The following CCSER1 variants were observed in gnomAD, a reference collection of about 807,000 sequenced individuals.
The protein encoded by CCSER1 is coiled-coil serine rich protein 1.
CCSER1 carries 41 observed loss-of-function variants against 82.0 expected under a neutral mutation model. The ratio of observed to expected loss-of-function variants is 0.50; its 90% confidence interval spans 0.39 to 0.65. The LOEUF (loss-of-function observed/expected upper bound fraction) is 0.65, where lower values mean the gene tolerates loss of function less well. Ranked by LOEUF, CCSER1 falls within the 30% of genes least tolerant of loss-of-function variation. CCSER1 has a pLI of 0.00. For synonymous variants in CCSER1, 414 were observed against 383.9 expected (o/e 1.08, Z -0.92); for missense variants, 1,119 against 1,064.2 (o/e 1.05, Z -0.72).
At chr4:90,414,221 A>G (rs1446434223) in intron 4 of CCSER1, among the ~76,000 whole-genome samples, 2 of 151,180 alleles carry the variant, frequency 1.3e-5, no homozygotes, top group Non-Finnish European at 3.0e-5. Flanking sequence ...ATAATTTACC[A>G]TGATCTTGGC....
At chr4:90,965,436 A>G (rs1279470626) in intron 9 of CCSER1, among the ~76,000 whole-genome samples, 1 of 152,126 alleles carries the variant, frequency 6.6e-6, no homozygotes, top group African/African-American at 2.4e-5. Context: ...GGTAGGAAGG[A>G]AAAGCTAAGG....
rs180785934 is a variant in CCSER1, at chr4:90,391,051, G to C, written c.1510-8985G>C. On this transcript the variant is annotated intron_variant, in intron 3 of 10. Coordinates refer to ENST00000509176, the MANE Select transcript of CCSER1 (RefSeq NM_001145065.2). ...GGCTGAGGCGGACAGATCACCTGAG[G>C]TCAGGAGTTCAAGACCAGCCTGGCC... Among the ~76,000 whole-genome samples the C allele has an allele frequency of 1.7e-4, 25 of 147,256 alleles. No individual in the cohort carries two copies. In the East Asian group the frequency reaches 5.0e-3, roughly 30 times the overall value.
intron 10 of CCSER1, among the ~76,000 whole-genome samples, chr4:91,245,023 G>A (rs1369224126): frequency 6.6e-6 from 1 of 151,934 alleles, no homozygotes; most frequent in African/African-American, 2.4e-5. Context: ...TCTCTTAATA[G>A]CAGAAATGAT....
At chr4:91,495,069 G>T (rs929632084) in intron 10 of CCSER1, among the ~76,000 whole-genome samples, 6 of 151,532 alleles carry the variant, frequency 4.0e-5, no homozygotes, top group Admixed American at 6.6e-5. Flanking sequence ...TAATGAGTTT[G>T]CATGTATGTT....
intron 6 of CCSER1, among the ~76,000 whole-genome samples, chr4:90,699,403 T>A (rs541888842): frequency 6.6e-6 from 1 of 152,248 alleles, no homozygotes; most frequent in South Asian, 2.1e-4. Context: ...AGGTGAAGGT[T>A]ACAGTGAGTC....
At chr4:90,882,707 A>G (rs887291361) in intron 8 of CCSER1, among the ~76,000 whole-genome samples, 5 of 152,130 alleles carry the variant, frequency 3.3e-5, no homozygotes, top group Admixed American at 2.6e-4. Flanking sequence ...GAAAACACTG[A>G]ATAGCTTTTT....
chr4:91,174,517 C>T (rs1733100574), intron 10 of CCSER1, among the ~76,000 whole-genome samples: 1 of 152,086 alleles, frequency 6.6e-6, no homozygotes. Context: ...CATAGGTATA[C>T]ATGTGCCATG....
intron 1 of CCSER1, among the ~76,000 whole-genome samples, chr4:90,256,100 A>AT (rs1297793992): frequency 6.6e-6 from 1 of 151,936 alleles, no homozygotes; most frequent in Non-Finnish European, 1.5e-5. Context: ...TTGTTTTCAT[A>AT]TTTTTCACAT....
chr4:90,648,159 C>T (rs1727933868), intron 6 of CCSER1, among the ~76,000 whole-genome samples: 3 of 151,434 alleles, frequency 2.0e-5, no homozygotes, highest in Admixed American at 6.6e-5. Context: ...GACATAGACT[C>T]ACAGTTTTTT....
intron 9 of CCSER1, among the ~76,000 whole-genome samples, chr4:91,004,577 C>T (rs531786119): frequency 1.9e-4 from 29 of 152,170 alleles, no homozygotes; most frequent in East Asian, 1.3e-3. Context: ...TAATGTTGTA[C>T]GAAACTTAAG....
chr4:90,620,362 G>T (rs920015898), intron 5 of CCSER1, among the ~76,000 whole-genome samples: 1 of 152,044 alleles, frequency 6.6e-6, no homozygotes, highest in Non-Finnish European at 1.5e-5. Context: ...AATTAATTTA[G>T]GCTTGAGCTT....
chr4:91,550,760 G>A (rs1762124078), intron 10 of CCSER1, among the ~76,000 whole-genome samples: 2 of 152,064 alleles, frequency 1.3e-5, no homozygotes, highest in South Asian at 2.1e-4. Context: ...AAGAATAACT[G>A]AATGAAATGC....
rs1456870704 is a variant in CCSER1 at position 90,982,584 on chromosome 4, G to T, written c.2172+59137G>T. ...CCAATAGGGTGAGGGCAAAGGAAAG[G>T]CTGCTATTTATTATTCTATATTTCA... is the stretch of plus-strand genomic sequence containing the variant. On this transcript the variant is annotated intron_variant, in intron 9 of 10. Coordinates refer to ENST00000509176, the MANE Select transcript of CCSER1 (RefSeq NM_001145065.2). Among the ~76,000 whole-genome samples, 3 of 151,772 alleles carry T rather than the reference G, an allele frequency of 2.0e-5. No homozygotes were observed. The East Asian group carries it at 5.9e-4, about 30-fold the overall frequency.
chr4:91,442,235 C>T (rs192599608), intron 10 of CCSER1, among the ~76,000 whole-genome samples: 2,493 of 151,766 alleles, frequency 0.016, 50 homozygotes, highest in African/African-American at 0.056. Flanking sequence ...TACAAGGCTA[C>T]GGTAACCAAA....
chr4:91,311,547 G>C (rs1321239902), intron 10 of CCSER1, among the ~76,000 whole-genome samples: 1 of 151,848 alleles, frequency 6.6e-6, no homozygotes, highest in African/African-American at 2.4e-5. Flanking sequence ...TTGTGCAAAT[G>C]TTATTAGAAT....
chr4:91,148,876 G>A (rs562287243), intron 10 of CCSER1, among the ~76,000 whole-genome samples: 152 of 152,216 alleles, frequency 1.0e-3, no homozygotes, highest in African/African-American at 3.5e-3. Flanking sequence ...TCTTAATCCA[G>A]TCTATCATTG....
intron 10 of CCSER1, among the ~76,000 whole-genome samples, chr4:91,462,332 A>G (rs964801130): frequency 1.3e-5 from 2 of 152,148 alleles, no homozygotes; most frequent in African/African-American, 4.8e-5. Context: ...AAAACTTTAT[A>G]TTTTTGATAA....
At position 90,292,674 on chromosome 4, in the gene CCSER1, T is replaced by TA. The variant is rs756780657; in HGVS notation, c.-41-15561dup. Among the ~76,000 whole-genome samples, 12 of 150,828 alleles carry TA rather than the reference T, an allele frequency of 8.0e-5. No individual in the cohort carries two copies. The East Asian group carries it at 1.7e-3, about 22-fold the overall frequency. ...GGAGACACCTATAACAGCACTTACT[T>TA]AAAAAAAAAGCTGCAATTGTTTGTG... On this transcript the variant is annotated intron_variant, in intron 1 of 10. Coordinates refer to ENST00000509176, the MANE Select transcript of CCSER1 (RefSeq NM_001145065.2).
chr4:90,470,686 C>G (rs1429434498), intron 5 of CCSER1, among the ~76,000 whole-genome samples: 1 of 146,488 alleles, frequency 6.8e-6, no homozygotes, highest in Non-Finnish European at 1.5e-5. Flanking sequence ...CTGCCTTCAG[C>G]AGCCACTGGG....
Sources: allele counts gnomAD v4.1 joint callset (sites outside exome capture counted in the v4.1 genomes callset), GRCh38; gene constraint gnomAD v4.1.1; transcripts MANE v1.5; gene names NCBI Gene and HGNC (gene_info 2026-07-23, HGNC 2026-07-21).